Variants in LDHA observed in about 807,000 individuals in gnomAD.
The protein encoded by LDHA is L-lactate dehydrogenase A chain.
Under a neutral mutation model 36.3 loss-of-function variants are expected in LDHA, and 10 were observed. The ratio of observed to expected loss-of-function variants is 0.28; its 90% confidence interval spans 0.17 to 0.47. The LOEUF (loss-of-function observed/expected upper bound fraction) is 0.47. LDHA is among the 20% of genes least tolerant of loss of function. The pLI is 0.99. For synonymous variants in LDHA, 110 were observed against 136.7 expected, an observed-to-expected ratio of 0.80 and a Z score of 1.36; for missense variants, 267 against 405.8, an observed-to-expected ratio of 0.66 and a Z score of 2.94.
intron 1 of LDHA, chr11:18,396,397 G>A (rs751584883): frequency 4.9e-6 from 2 of 407,136 alleles, no homozygotes; most frequent in Non-Finnish European, 8.6e-6. Context: ...TGTGCCTTGG[G>A]CTTGAGCTTT....
chr11:18,397,026 C>T, intron 2 of LDHA, 58 bp downstream of exon 2: 2 of 1,419,708 alleles, frequency 1.4e-6, no homozygotes, highest in East Asian at 2.3e-5. Flanking sequence ...TCTACCCCCA[C>T]TCCTACCCCT....
chr11:18,400,574 T>G, intron 3 of LDHA: 1 of 494,804 alleles, frequency 2.0e-6, no homozygotes, highest in Non-Finnish European at 3.8e-6. Context: ...ATCAAAAATT[T>G]GAGGATATGT....
chr11:18,406,731 A>G lies in LDHA; in HGVS notation c.835-386A>G, dbSNP rs545879201. On this transcript the variant is annotated intron_variant, in intron 7 of 7. Transcript: ENST00000422447. ...AACTCCATCTCAAAAGAAAAAAAAA[A>G]GCGGCTGGGCTCTGTGGCTCATGCT... 8 of 164,976 alleles carry G rather than the reference A, an allele frequency of 4.8e-5. No individual in the cohort carries two copies. In the South Asian group the frequency reaches 8.1e-4, roughly 17 times the overall value. The allele number at this position is 164,976 out of a possible 1,614,324, so 10.2% of individuals were successfully genotyped here.
chr11:18,397,000 T>C (rs769861412), intron 2 of LDHA, 32 bp downstream of exon 2: 3 of 1,607,750 alleles, frequency 1.9e-6, no homozygotes, highest in East Asian at 2.2e-5. Flanking sequence ...TGGAAGCCCA[T>C]ACCTTGACCC....
At chr11:18,405,287 T>C (rs1866645915) in intron 6 of LDHA, among the ~76,000 whole-genome samples, 162 bp from the exon 7 acceptor site, 1 of 152,254 alleles carries the variant, frequency 6.6e-6, no homozygotes, top group South Asian at 2.1e-4. Context: ...TGAATATCCC[T>C]GTACATAATA....
At chr11:18,405,692 T>G in intron 7 of LDHA, 120 bp downstream of exon 7, 1 of 1,104,168 alleles carries the variant, frequency 9.1e-7, no homozygotes, top group Non-Finnish European at 1.4e-6. Flanking sequence ...TAAATTAATG[T>G]ACCCACAGCT....
At chr11:18,401,137 A>G in intron 4 of LDHA, 127 bp downstream of exon 4, 1 of 397,278 alleles carries the variant, frequency 2.5e-6, no homozygotes, top group Non-Finnish European at 3.8e-6. Context: ...ATATTTTCGA[A>G]TATTATTTTA....
intron 3 of LDHA, chr11:18,399,845 T>C: frequency 2.8e-6 from 1 of 359,998 alleles, no homozygotes; most frequent in South Asian, 2.5e-5. Context: ...TCCTCCCTCC[T>C]TAGCCTTCCG....
At chr11:18,405,316 C>A in intron 6 of LDHA, 133 bp from the exon 7 acceptor site, 1 of 890,424 alleles carries the variant, frequency 1.1e-6, no homozygotes, top group Non-Finnish European at 1.8e-6. Context: ...TACATGTGTG[C>A]AAGGGTTATT....
Position 18,408,240 on chromosome 11 carries a change from T to G in LDHA, c.*959T>G. 1 of 453,858 alleles carries G rather than the reference T, an allele frequency of 2.2e-6. No individual in the cohort carries two copies. The highest frequency in any genetic ancestry group is 4.4e-6 in the Non-Finnish European group (1 of 226,740). The allele number at this position is 453,858 out of a possible 1,614,324, so 28.1% of individuals were successfully genotyped here. ...AGGGTGCAGTGGCTCATGCCTATAATCCCAGCACTTTGGGAAGCCCAGGTG... is the reference window on the plus strand; with the variant it reads ...AGGGTGCAGTGGCTCATGCCTATAAGCCCAGCACTTTGGGAAGCCCAGGTG... On this transcript the variant is annotated 3_prime_UTR_variant, in exon 8 of 8. Transcript: ENST00000422447.
chr11:18,403,544 C>G, intron 5 of LDHA, 150 bp from the exon 6 acceptor site: 1 of 668,788 alleles, frequency 1.5e-6, no homozygotes, highest in South Asian at 1.7e-5. Flanking sequence ...AAAATCTAAT[C>G]TAAAAGTGAG....
intron 1 of LDHA, among the ~76,000 whole-genome samples, chr11:18,395,798 G>A (rs1420302043): frequency 6.6e-6 from 1 of 152,212 alleles, no homozygotes; most frequent in Non-Finnish European, 1.5e-5. Flanking sequence ...TTAACTCTAG[G>A]GCTGCAGGCC....
rs542849128 is a variant in LDHA, at chr11:18,405,807, A to G, written c.834+235A>G. 8.8e-6 allele frequency: 4 copies of G among 456,564 alleles called. No individual in the cohort carries two copies. The East Asian group carries it at 1.3e-4, about 15-fold the overall frequency. 28.3% of individuals were successfully genotyped at this position (456,564 alleles called of 1,614,324 possible). A position where few individuals can be genotyped will look rare whatever the true frequency, so the allele number is the denominator to read the frequency against. ...GACTACAAAAAAGTCTTGTTCAATT[A>G]TGCTGAGGTAGGTGGAAGACTATAA... is the stretch of plus-strand genomic sequence containing the variant. On this transcript the variant is annotated intron_variant, in intron 7 of 7. Transcript: ENST00000422447.
At chr11:18,404,738 T>C (rs933802141) in intron 6 of LDHA, among the ~76,000 whole-genome samples, 1 of 148,262 alleles carries the variant, frequency 6.7e-6, no homozygotes, top group South Asian at 2.1e-4. Context: ...AACCCGGTAG[T>C]TGGAGCTTGC....
intron 1 of LDHA, chr11:18,396,259 T>G (rs778636606): frequency 1.5e-5 from 5 of 342,094 alleles, no homozygotes; most frequent in Admixed American, 9.6e-5. Flanking sequence ...CCGCCCATCT[T>G]CCGGACTTGG....
intron 3 of LDHA, chr11:18,400,410 A>G: frequency 7.3e-6 from 2 of 275,056 alleles, no homozygotes; most frequent in Non-Finnish European, 7.0e-6. Flanking sequence ...CTTAAAAACA[A>G]GTCCCCCTAC....
At chr11:18,396,279 A>G in intron 1 of LDHA, 1 of 360,972 alleles carries the variant, frequency 2.8e-6, no homozygotes, top group Non-Finnish European at 4.9e-6. Flanking sequence ...GGCGGGGCGT[A>G]AAAGCCGGGC....
At position 18,408,059 on chromosome 11, in the gene LDHA, AATG is replaced by A; in HGVS notation, c.*779_*781del. On this transcript the variant is annotated 3_prime_UTR_variant, in exon 8 of 8. Transcript: ENST00000422447. ...CCCAAAGTATTATATATTTGATAAT[AATG>A]CTAATCATAATTGGAAAGTAACATT... The A allele has an allele frequency of 2.2e-6, 1 of 453,962 alleles. No individual in the cohort carries two copies. The highest frequency in any genetic ancestry group is 1.6e-5 in the South Asian group (1 of 64,414). The allele number at this position is 453,962 out of a possible 1,614,324, so 28.1% of individuals were successfully genotyped here.
chr11:18,402,777 G>T, intron 4 of LDHA, 63 bp from the exon 5 acceptor site: 1 of 1,225,856 alleles, frequency 8.2e-7, no homozygotes, highest in Non-Finnish European at 1.2e-6. Context: ...TTCATAGTAG[G>T]TATATCTTTT....
Sources: gnomAD v4.1 joint callset for allele counts (sites outside exome capture counted in the v4.1 genomes callset) on GRCh38, gnomAD v4.1.1 for gene constraint, MANE v1.5 for transcripts, NCBI Gene and HGNC (gene_info 2026-07-23, HGNC 2026-07-21) for gene names.